The following RFX3 variants were observed in gnomAD, a reference collection of about 807,000 sequenced individuals.
The protein encoded by RFX3 is transcription factor RFX3.
A neutral mutation model predicts 98.6 loss-of-function variants in RFX3; 14 were observed. The ratio of observed to expected loss-of-function variants is 0.14; its 90% CI spans 0.09 to 0.22. The LOEUF is 0.22. RFX3 is among the 10% of genes least tolerant of loss of function. The pLI is 1.00. For missense variants in RFX3, 639 were observed against 926.9 expected, an observed-to-expected ratio of 0.69 and a Z score of 4.03; for synonymous variants, 383 against 328.4, an observed-to-expected ratio of 1.17 and a Z score of -1.80.
chr9:3,254,776 G>C (rs1354356417), intron 14 of RFX3, among the ~76,000 whole-genome samples: 1 of 152,088 alleles, frequency 6.6e-6, no homozygotes, highest in Non-Finnish European at 1.5e-5. Context: ...CATCTACCTT[G>C]AGAACACTGT....
intron 4 of RFX3, chr9:3,323,988 G>C (rs1185979968): frequency 2.4e-6 from 1 of 424,776 alleles, no homozygotes; most frequent in African/African-American, 2.0e-5. Context: ...TTTATTAAAT[G>C]CTTTGAAAAT....
At chr9:3,411,038 A>G (rs926525500) in intron 1 of RFX3, among the ~76,000 whole-genome samples, 3 of 152,204 alleles carry the variant, frequency 2.0e-5, no homozygotes, top group East Asian at 3.9e-4. Flanking sequence ...TTGTTGTACC[A>G]TAAGAGTTAG....
At chr9:3,449,203 G>C (rs992224175) in intron 1 of RFX3, among the ~76,000 whole-genome samples, 3 of 152,104 alleles carry the variant, frequency 2.0e-5, no homozygotes, top group African/African-American at 7.2e-5. Context: ...GCATACTGTA[G>C]ACACTTAATT....
chr9:3,513,150 A>G (rs1172351847), intron 1 of RFX3, among the ~76,000 whole-genome samples: 1 of 152,124 alleles, frequency 6.6e-6, no homozygotes, highest in Non-Finnish European at 1.5e-5. Context: ...TCCTCATTCA[A>G]AATTAAAGCT....
At chr9:3,258,010 T>C (rs1458665192) in intron 13 of RFX3, among the ~76,000 whole-genome samples, 3 of 152,162 alleles carry the variant, frequency 2.0e-5, no homozygotes, top group African/African-American at 7.2e-5. Flanking sequence ...TATGTTGTAT[T>C]TTAAGATTTA....
At chr9:3,294,488 A>G (rs1339460728) in intron 5 of RFX3, among the ~76,000 whole-genome samples, 1 of 152,160 alleles carries the variant, frequency 6.6e-6, no homozygotes, top group Non-Finnish European at 1.5e-5. Context: ...CTTGTCCTCT[A>G]GGAATTTCCA....
chr9:3,399,948 CAAAAA>C (rs61409115), intron 1 of RFX3, among the ~76,000 whole-genome samples: 2 of 95,856 alleles, frequency 2.1e-5, no homozygotes, highest in Admixed American at 1.1e-4. Flanking sequence ...GACTCCGTCT[CAAAAA>C]AAAAAAAAAG....
intron 12 of RFX3, among the ~76,000 whole-genome samples, chr9:3,265,868 C>G (rs1222771408): frequency 2.0e-5 from 3 of 151,934 alleles, no homozygotes; most frequent in African/African-American, 7.3e-5. Context: ...ACATTCTAGG[C>G]TATTATTTTA....
chr9:3,453,906 CT>C (rs1846909079), intron 1 of RFX3, among the ~76,000 whole-genome samples: 1 of 151,764 alleles, frequency 6.6e-6, no homozygotes, highest in African/African-American at 2.4e-5. Flanking sequence ...GGTCTTTTTG[CT>C]TTAGTTCACT....
At chr9:3,345,971 T>A (rs1834403027) in intron 3 of RFX3, among the ~76,000 whole-genome samples, 1 of 152,130 alleles carries the variant, frequency 6.6e-6, no homozygotes, top group South Asian at 2.1e-4. Context: ...GAACCTGAAT[T>A]CATTTTAAGT....
chr9:3,313,814 G>C (rs1830249003), intron 4 of RFX3, among the ~76,000 whole-genome samples: 1 of 152,114 alleles, frequency 6.6e-6, no homozygotes. Context: ...GAGAAGAGAA[G>C]TTTAGAAAAA....
intron 12 of RFX3, among the ~76,000 whole-genome samples, chr9:3,264,313 C>T (rs1301838710): frequency 6.6e-6 from 1 of 152,040 alleles, no homozygotes; most frequent in Admixed American, 6.6e-5. Context: ...TAAAAATAGA[C>T]ACATCTACAG....
At chr9:3,265,991 C>T (rs971828022) in intron 12 of RFX3, among the ~76,000 whole-genome samples, 2 of 148,954 alleles carry the variant, frequency 1.3e-5, no homozygotes, top group Non-Finnish European at 2.9e-5. Flanking sequence ...ACTTAAAATG[C>T]TTCCCTATTC....
intron 5 of RFX3, among the ~76,000 whole-genome samples, chr9:3,296,388 G>C (rs951346818): frequency 6.6e-6 from 1 of 151,854 alleles, no homozygotes; most frequent in Admixed American, 6.6e-5. Context: ...TACTCGATTG[G>C]CTATGCAGGC....
chr9:3,386,380 TA>T (rs1272164646), intron 2 of RFX3, among the ~76,000 whole-genome samples: 1 of 152,142 alleles, frequency 6.6e-6, no homozygotes, highest in Non-Finnish European at 1.5e-5. Flanking sequence ...GGTACTAACC[TA>T]AATATTTTAG....
intron 1 of RFX3, among the ~76,000 whole-genome samples, chr9:3,515,799 T>C (rs1424261126): frequency 6.6e-6 from 1 of 152,134 alleles, no homozygotes; most frequent in African/African-American, 2.4e-5. Context: ...GGCATGCAAA[T>C]CTGAATGTAG....
intron 1 of RFX3, among the ~76,000 whole-genome samples, chr9:3,408,180 T>G (rs886107518): frequency 2.0e-5 from 3 of 152,156 alleles, no homozygotes; most frequent in Non-Finnish European, 4.4e-5. Flanking sequence ...GATCACAAAT[T>G]GCATTCAGCA....
At chr9:3,355,799 C>T (rs890742067) in intron 2 of RFX3, among the ~76,000 whole-genome samples, 3 of 151,818 alleles carry the variant, frequency 2.0e-5, no homozygotes, top group African/African-American at 7.3e-5. Context: ...AAACAAGTCC[C>T]AACAAATTTA....
At position 3,465,276 on chromosome 9, in the gene RFX3, T is replaced by A. The variant is rs191178655; in HGVS notation, c.-9+60471A>T. Among the ~76,000 whole-genome samples the A allele has an allele frequency of 7.0e-4, 106 of 152,088 alleles. 2 individuals are homozygous for A. The highest frequency in any genetic ancestry group is 2.0e-4 in the Admixed American group (3 of 15,268). Reference sequence around the variant, plus strand: ...CGTGGCAAATATAAACCATTTCTTATATGTTAACCTGTTTTGCTTTTTTTC... The same window carrying A: ...CGTGGCAAATATAAACCATTTCTTAAATGTTAACCTGTTTTGCTTTTTTTC... On this transcript the variant is annotated intron_variant, in intron 1 of 16. Coordinates refer to ENST00000617270, the MANE Select transcript of RFX3 (RefSeq NM_001282116.2).
Sources: gnomAD v4.1 joint callset for allele counts (sites outside exome capture counted in the v4.1 genomes callset) on GRCh38, gnomAD v4.1.1 for gene constraint, MANE v1.5 for transcripts, NCBI Gene and HGNC (gene_info 2026-07-23, HGNC 2026-07-21) for gene names.